TYRO3: variants seen among roughly 807,000 people sequenced by gnomAD.
The protein encoded by TYRO3 is TYRO3 protein tyrosine kinase.
TYRO3 carries 38 observed loss-of-function variants against 95.2 expected under a neutral mutation model. The ratio of observed to expected loss-of-function variants is 0.40; its 90% CI spans 0.31 to 0.52. The LOEUF (loss-of-function observed/expected upper bound fraction) is 0.52, where lower values mean the gene tolerates loss of function less well. TYRO3 is among the 20% of genes least tolerant of loss of function. TYRO3 has a pLI of 0.56. For missense variants in TYRO3, 812 were observed against 1,116.4 expected, an observed-to-expected ratio of 0.73 and a Z score of 3.89; for synonymous variants, 367 against 432.9, an observed-to-expected ratio of 0.85 and a Z score of 1.89.
intron 6 of TYRO3, among the ~76,000 whole-genome samples, chr15:41,566,654 CCTGTG>C (rs2055728712): frequency 6.6e-6 from 1 of 152,186 alleles, no homozygotes; most frequent in Non-Finnish European, 1.5e-5. Flanking sequence ...ATTGTCCACG[CCTGTG>C]CACATGAGGC....
At position 41,568,369 on chromosome 15, in the gene TYRO3, C is replaced by G; in HGVS notation, c.1107+7C>G. 1.2e-6 allele frequency: 2 copies of G among 1,612,068 alleles called. No homozygotes were observed. The highest frequency in any genetic ancestry group is 1.7e-6 in the Non-Finnish European group (2 of 1,178,854). Reference sequence around the variant, plus strand: ...TCAAGACAATGGAACCCAGGTAAGACAGAACCCTCCCCTCTCTCCACTCTC... The same window carrying G: ...TCAAGACAATGGAACCCAGGTAAGAGAGAACCCTCCCCTCTCTCCACTCTC... On this transcript the variant is annotated splice_region_variant and intron_variant, in intron 8 of 18. Coordinates refer to ENST00000263798, the MANE Select transcript of TYRO3 (RefSeq NM_006293.4).
intron 3 of TYRO3, 183 bp from the exon 4 acceptor site, chr15:41,562,365 A>C: frequency 2.6e-6 from 1 of 381,748 alleles, no homozygotes; most frequent in Non-Finnish European, 4.6e-6. Context: ...ATTCCTAAGG[A>C]GCCTGAAAAA....
intron 18 of TYRO3, among the ~76,000 whole-genome samples, chr15:41,577,033 G>A (rs952762956): frequency 5.9e-5 from 9 of 152,166 alleles, no homozygotes; most frequent in East Asian, 5.8e-4. Flanking sequence ...CAACCCCCTC[G>A]CTTCAAATCA....
At chr15:41,565,582 CT>C (rs71104798) in intron 6 of TYRO3, among the ~76,000 whole-genome samples, 486 of 133,270 alleles carry the variant, frequency 3.6e-3, no homozygotes, top group Middle Eastern at 0.019. Flanking sequence ...GCCCAGCTAA[CT>C]TTTTTTTTTT....
intron 18 of TYRO3, chr15:41,574,521 T>G (rs959644639): frequency 1.0e-5 from 4 of 399,350 alleles, no homozygotes; most frequent in African/African-American, 2.1e-5. Flanking sequence ...AAAATAGGAT[T>G]AGAGAGATTA....
At chr15:41,565,175 G>C in intron 6 of TYRO3, 34 bp downstream of exon 6, 2 of 1,374,128 alleles carry the variant, frequency 1.5e-6, no homozygotes, top group Non-Finnish European at 2.1e-6. Flanking sequence ...GCTCGTTCTG[G>C]CTGCATGGCC....
rs1240849262 is a variant in TYRO3 at position 41,567,532 on chromosome 15, G to A, written c.956G>A (p.Gly319Asp). ...YADWVPFQTK[G>D]LAPASAPQNL... ...GACTGGGTGCCCTTTCAGACCAAGG[G>A]TCTAGGTAAGGGATGCATAGAGCAG... The change falls in exon 7 of 19, where the codon GGT (glycine) becomes GAT (aspartate). Residue 319 changes from glycine to aspartate, a missense_variant. By Grantham distance (94) the Gly-to-Asp change is moderately conservative. Coordinates refer to ENST00000263798, the MANE Select transcript of TYRO3 (RefSeq NM_006293.4). The A allele has an allele frequency of 3.2e-6, 5 of 1,560,346 alleles. No homozygotes were observed. In the East Asian group the frequency reaches 1.2e-4, roughly 37 times the overall value.
At chr15:41,559,527 G>A (rs2052135682) in intron 1 of TYRO3, 146 bp downstream of exon 1, 1 of 293,170 alleles carries the variant, frequency 3.4e-6, no homozygotes, top group Non-Finnish European at 6.3e-6. Flanking sequence ...GACAGGGCAC[G>A]CTGCGGAGTG....
At chr15:41,563,028 C>T (rs542742168) in intron 4 of TYRO3, among the ~76,000 whole-genome samples, 2 of 152,164 alleles carry the variant, frequency 1.3e-5, no homozygotes, top group African/African-American at 4.8e-5. Flanking sequence ...GCACCCATCC[C>T]CCACCCCTCC....
intron 1 of TYRO3, 37 bp from the exon 2 acceptor site, chr15:41,561,090 C>T (rs755261344): frequency 6.2e-7 from 1 of 1,612,716 alleles, no homozygotes; most frequent in South Asian, 1.1e-5. Flanking sequence ...GACAGAGTCC[C>T]TCTCAAGGCT....
chr15:41,568,233 C>T lies in TYRO3; in HGVS notation c.978C>T (p.Pro326=), dbSNP rs1374314813. ...TGGCTGCAGCCCCAGCCAGCGCTCC[C>T]CAAAACCTCCATGCCATCCGCACAG... is the stretch of plus-strand genomic sequence containing the variant. ...QTKGLAPASA[P]QNLHAIRTDS... is the part of the protein sequence containing the mutation. Residue 326 remains proline, a synonymous_variant, in exon 8 of 19, where the codon CCC becomes CCT. Coordinates refer to ENST00000263798, the MANE Select transcript of TYRO3 (RefSeq NM_006293.4). 2 of 1,612,344 alleles carry T rather than the reference C, an allele frequency of 1.2e-6. No individual in the cohort carries two copies. Among genetic ancestry groups the T allele is most frequent in the African/African-American group, 2.7e-5 (2 of 74,836 alleles).
At chr15:41,562,331 CAA>C (rs11363130) in intron 3 of TYRO3, 10,715 of 172,786 alleles carry the variant, frequency 0.062, 3 homozygotes, top group South Asian at 0.087. Context: ...CGACCAATCT[CAA>C]AAAAAAAAAA....
chr15:41,565,648 C>G (rs1244651217), intron 6 of TYRO3, among the ~76,000 whole-genome samples: 1 of 149,160 alleles, frequency 6.7e-6, no homozygotes, highest in Non-Finnish European at 1.5e-5. Context: ...AGCCTGATCT[C>G]AAACTCCTGA....
chr15:41,561,035 G>T, intron 1 of TYRO3, 92 bp from the exon 2 acceptor site: 1 of 1,502,072 alleles, frequency 6.7e-7, no homozygotes, highest in South Asian at 1.1e-5. Flanking sequence ...CCCTCTGTCT[G>T]ACACAGAAGC....
chr15:41,559,820 G>A (rs1391579614), intron 1 of TYRO3, among the ~76,000 whole-genome samples: 1 of 152,256 alleles, frequency 6.6e-6, no homozygotes, highest in East Asian at 1.9e-4. Flanking sequence ...GTACACAGGG[G>A]CTGTGAGGGT....
intron 4 of TYRO3, 32 bp downstream of exon 4, chr15:41,562,750 A>G: frequency 6.3e-7 from 1 of 1,586,756 alleles, no homozygotes; most frequent in African/African-American, 1.3e-5. Flanking sequence ...CTGGGAGTGG[A>G]GAAGGAGCTG....
chr15:41,573,213 G>A (rs2055820358), intron 16 of TYRO3, 95 bp from the exon 17 acceptor site: 3 of 1,416,896 alleles, frequency 2.1e-6, no homozygotes. Context: ...CTATGCATGG[G>A]GGTAGCTTGG....
chr15:41,582,998 T>TTTTTTTTTTTTTG lies in TYRO3; in HGVS notation c.*4734_*4735insGTTTTTTTTTTTT, dbSNP rs1555397471. 1.3e-5 allele frequency: 1 copy of TTTTTTTTTTTTTG among 78,410 alleles called. No homozygotes were observed. The highest frequency in any genetic ancestry group is 4.9e-5 in the African/African-American group (1 of 20,382). The allele number at this position is 78,410 out of a possible 1,614,324, so 4.9% of individuals were successfully genotyped here. The stretch of plus-strand genomic sequence containing the variant: ...ACTGCACCTGGCAAATTTTTAAGTG[T>TTTTTTTTTTTTTG]TTTTTTTTTTTTTTAATACAGAGCC... On this transcript the variant is annotated 3_prime_UTR_variant, in exon 19 of 19. Coordinates refer to ENST00000263798, the MANE Select transcript of TYRO3 (RefSeq NM_006293.4).
chr15:41,572,935 A>AC, intron 15 of TYRO3, 67 bp from the exon 16 acceptor site: 5 of 1,066,076 alleles, frequency 4.7e-6, no homozygotes, highest in Non-Finnish European at 6.7e-6. Flanking sequence ...CTGGCCAGGG[A>AC]CCCCCATCCA....
Sources: gnomAD v4.1 joint callset for allele counts (sites outside exome capture counted in the v4.1 genomes callset) on GRCh38, gnomAD v4.1.1 for gene constraint, MANE v1.5 for transcripts, NCBI Gene and HGNC (gene_info 2026-07-23, HGNC 2026-07-21) for gene names.